PLA2G4E: variants seen among roughly 807,000 people sequenced by gnomAD.
The protein encoded by PLA2G4E is cytosolic phospholipase A2 epsilon.
A neutral mutation model predicts 109.1 loss-of-function variants in PLA2G4E; 84 were observed. The observed-to-expected ratio is 0.77, with a 90% CI of 0.65 to 0.92. The LOEUF (loss-of-function observed/expected upper bound fraction) is 0.92. Ranked by LOEUF, PLA2G4E falls within the 40% of genes least tolerant of loss-of-function variation. The pLI is 0.00. For synonymous variants in PLA2G4E, 469 were observed against 436.1 expected, an observed-to-expected ratio of 1.08 and a Z score of -0.94; for missense variants, 1,057 against 1,076.6, an observed-to-expected ratio of 0.98 and a Z score of 0.25.
chr15:41,985,783 G>C (rs2068129926), intron 18 of PLA2G4E, 56 bp downstream of exon 18: 13 of 1,549,366 alleles, frequency 8.4e-6, no homozygotes, highest in Non-Finnish European at 9.6e-6. Flanking sequence ...ACTGACTGCG[G>C]GGCCCATCTT....
At chr15:42,008,424 T>G (rs1314003448) in intron 2 of PLA2G4E, among the ~76,000 whole-genome samples, 3 of 152,208 alleles carry the variant, frequency 2.0e-5, no homozygotes, top group Non-Finnish European at 4.4e-5. Context: ...CCATATGGCT[T>G]AATGCCTCCA....
exon 20 of PLA2G4E, chr15:41,983,944 T>C (rs748793494): frequency 8.1e-6 from 13 of 1,611,334 alleles, no homozygotes; most frequent in Non-Finnish European, 1.1e-5. Context: ...CACCTGGCCC[T>C]GCTCCAGCTC....
chr15:42,025,798 A>G (rs911648461), intron 1 of PLA2G4E, among the ~76,000 whole-genome samples: 2 of 152,236 alleles, frequency 1.3e-5, no homozygotes, highest in Non-Finnish European at 2.9e-5. Context: ...CTGCTCTGTC[A>G]GAAAGGATGG....
intron 11 of PLA2G4E, among the ~76,000 whole-genome samples, chr15:41,996,751 AAAG>A (rs1223414158): frequency 6.6e-6 from 1 of 152,232 alleles, no homozygotes; most frequent in Admixed American, 6.5e-5. Flanking sequence ...ACAATTGAGG[AAAG>A]AAGGACCTAA....
chr15:42,003,603 A>G (rs1263545506), intron 5 of PLA2G4E, among the ~76,000 whole-genome samples: 1 of 152,246 alleles, frequency 6.6e-6, no homozygotes, highest in Non-Finnish European at 1.5e-5. Context: ...TGTTAAGTAA[A>G]TAACGTTGAT....
rs1380711889 is a variant in PLA2G4E, at chr15:41,984,449, T to G, written c.2373A>C (p.Lys791Asn). ...GAGGCAGCTCACCTGGTGCCTTGTATTTTCGGAAAGTGTCATTGATGAGTG... is the reference window on the plus strand; with the variant it reads ...GAGGCAGCTCACCTGGTGCCTTGTAGTTTCGGAAAGTGTCATTGATGAGTG... The change falls in exon 19 of 20, where the codon AAA becomes AAC. Residue 791 changes from lysine to asparagine, a missense_variant. Coordinates refer to ENST00000399518, the Ensembl canonical transcript of PLA2G4E. The G allele has an allele frequency of 3.1e-6, 5 of 1,612,926 alleles. No individual in the cohort carries two copies. In the Middle Eastern group the frequency reaches 5.0e-4, roughly 160 times the overall value.
chr15:41,999,602 TC>T, intron 9 of PLA2G4E, 41 bp from the exon 10 acceptor site: 1 of 1,604,530 alleles, frequency 6.2e-7, no homozygotes, highest in African/African-American at 1.3e-5. Context: ...AGGTGACAAT[TC>T]AGAGCCAAGT....
chr15:42,004,886 A>C, intron 5 of PLA2G4E, 52 bp downstream of exon 5: 1 of 1,599,942 alleles, frequency 6.3e-7, no homozygotes, highest in Non-Finnish European at 8.5e-7. Context: ...CGTTCCCAGA[A>C]GCTACTTGAT....
chr15:41,998,256 A>C (rs1351560029), intron 10 of PLA2G4E: 1 of 152,256 alleles, frequency 6.6e-6, no homozygotes, highest in Non-Finnish European at 1.5e-5. Context: ...TGTCCAGCAC[A>C]GGGCTGCAGA....
chr15:42,006,086 T>G, exon 4 of PLA2G4E: 1 of 1,613,866 alleles, frequency 6.2e-7, no homozygotes, highest in Non-Finnish European at 8.5e-7. Context: ...CTGGTGTCAC[T>G]GTGTCTTCAT....
At chr15:42,043,082 G>C (rs1263114951) in intron 1 of PLA2G4E, among the ~76,000 whole-genome samples, 1 of 152,174 alleles carries the variant, frequency 6.6e-6, no homozygotes, top group Non-Finnish European at 1.5e-5. Flanking sequence ...TGCCTGGAAG[G>C]TGCAGAGGAG....
At chr15:42,006,317 A>C in intron 3 of PLA2G4E, 196 bp from the exon 4 acceptor site, 1 of 554,218 alleles carries the variant, frequency 1.8e-6, no homozygotes, top group Non-Finnish European at 3.0e-6. Flanking sequence ...CCTCCTTTCC[A>C]ACTCCCTGAA....
exon 20 of PLA2G4E, chr15:41,982,202 G>A (rs758140928): frequency 3.9e-5 from 6 of 152,212 alleles, no homozygotes; most frequent in Non-Finnish European, 8.8e-5. Flanking sequence ...CCGCCTTCCA[G>A]GGTTGCTGGG....
intron 16 of PLA2G4E, 141 bp downstream of exon 16, chr15:41,987,908 C>T (rs2068171046): frequency 1.7e-6 from 1 of 583,092 alleles, no homozygotes; most frequent in Non-Finnish European, 3.2e-6. Flanking sequence ...CCCCCATCAC[C>T]CAGCCATGAG....
Position 41,988,592 on chromosome 15 carries a change from T to G in PLA2G4E, c.1724-436A>C, listed in dbSNP as rs986075846. Among the ~76,000 whole-genome samples the G allele has an allele frequency of 2.6e-5, 4 of 152,220 alleles. No homozygotes were observed. In the East Asian group the frequency reaches 7.7e-4, roughly 29 times the overall value. On this transcript the variant is annotated intron_variant, in intron 15 of 19. Coordinates refer to ENST00000399518, the Ensembl canonical transcript of PLA2G4E. ...GACATTGACCCATTTGGAATCTCTA[T>G]AAGGTGGGTTTTACTCTTAAGCCTA...
chr15:41,986,844 C>A (rs931233840), intron 17 of PLA2G4E: 3 of 366,246 alleles, frequency 8.2e-6, no homozygotes, highest in Admixed American at 8.1e-5. Context: ...AGGGCATCCC[C>A]AGAACACAAC....
chr15:41,999,795 G>C, intron 9 of PLA2G4E, 122 bp downstream of exon 9: 1 of 1,209,902 alleles, frequency 8.3e-7, no homozygotes, highest in East Asian at 2.5e-5. Context: ...CCTCCATCCT[G>C]CCTGAGAGAG....
intron 1 of PLA2G4E, among the ~76,000 whole-genome samples, chr15:42,045,172 G>C (rs954825770): frequency 2.6e-5 from 4 of 152,188 alleles, no homozygotes; most frequent in Admixed American, 2.6e-4. Flanking sequence ...CTTGAGTTAG[G>C]GGCAAGGTTT....
At chr15:42,009,592 T>G (rs1369154410) in intron 2 of PLA2G4E, among the ~76,000 whole-genome samples, 10 of 152,136 alleles carry the variant, frequency 6.6e-5, no homozygotes, top group Admixed American at 6.5e-4. Context: ...AGCCTCAGTC[T>G]CATCTCTCCA....
Sources: allele counts gnomAD v4.1 joint callset (sites outside exome capture counted in the v4.1 genomes callset), GRCh38; gene constraint gnomAD v4.1.1; transcripts MANE v1.5; gene names NCBI Gene and HGNC (gene_info 2026-07-23, HGNC 2026-07-21).